C2CD5: variants seen among roughly 807,000 people sequenced by gnomAD.
C2CD5 encodes the protein C2 calcium dependent domain containing 5.
A neutral mutation model predicts 130.3 loss-of-function variants in C2CD5; 109 were observed. The ratio of observed to expected loss-of-function variants is 0.84; its 90% confidence interval spans 0.72 to 0.98. The LOEUF (loss-of-function observed/expected upper bound fraction) is 0.98. Ranked by LOEUF, C2CD5 falls within the 50% of genes least tolerant of loss-of-function variation. The probability of loss-of-function intolerance (pLI) is 0.00; values close to 1 mark genes in which losing one functional copy is unlikely to be tolerated. For synonymous variants in C2CD5, 454 were observed against 429.2 expected, an observed-to-expected ratio of 1.06 and a Z score of -0.71; for missense variants, 996 against 1,261.8, an observed-to-expected ratio of 0.79 and a Z score of 3.19.
chr12:22,536,807 A>C (rs1359532245), intron 2 of C2CD5, among the ~76,000 whole-genome samples: 1 of 152,134 alleles, frequency 6.6e-6, no homozygotes, highest in Non-Finnish European at 1.5e-5. Context: ...TGAGTGTTTC[A>C]ATCTTTTTTA....
At chr12:22,538,888 T>G (rs1952075523) in intron 2 of C2CD5, among the ~76,000 whole-genome samples, 1 of 152,166 alleles carries the variant, frequency 6.6e-6, no homozygotes, top group Non-Finnish European at 1.5e-5. Context: ...TATCTCCCTC[T>G]TCTATGAACT....
intron 12 of C2CD5, among the ~76,000 whole-genome samples, chr12:22,489,295 A>T (rs1361102605): frequency 6.6e-6 from 1 of 151,780 alleles, no homozygotes; most frequent in African/African-American, 2.4e-5. Flanking sequence ...CTCTGGTACC[A>T]AACTAATAGT....
rs902368893 is a variant in C2CD5, at chr12:22,524,619, T to C, written c.454A>G (p.Ile152Val). 3.7e-6 allele frequency: 6 copies of C among 1,609,238 alleles called. No homozygotes were observed. The highest frequency in any genetic ancestry group is 2.7e-5 in the African/African-American group (2 of 74,722). ...CGVKFFCTTS[I>V]PKCYRAVIIH... ...ATCACAGCTCTATAGCATTTTGGAA[T>C]AGACGTTGCTGTTAAAACAAATTAT... The change falls in exon 6 of 27, where the codon ATT (isoleucine) becomes GTT (valine). Residue 152 changes from isoleucine to valine, a missense_variant. Around this residue, in one of 9 missense-constraint regions of C2CD5, gnomAD observed 49 missense variants for 52.0 expected, o/e 0.94. Transcript: ENST00000446597.
chr12:22,465,948 A>T, intron 22 of C2CD5, among the ~76,000 whole-genome samples: 1 of 152,124 alleles, frequency 6.6e-6, no homozygotes. Flanking sequence ...TAAATTTGAG[A>T]CATACATCAA....
At chr12:22,502,706 A>G (rs1337780338) in intron 10 of C2CD5, 2 of 1,260,556 alleles carry the variant, frequency 1.6e-6, no homozygotes, top group Non-Finnish European at 2.2e-6. Context: ...AATTTTTGTC[A>G]GCATATGTAG....
intron 2 of C2CD5, among the ~76,000 whole-genome samples, chr12:22,540,263 C>T (rs1415909378): frequency 6.6e-6 from 1 of 152,198 alleles, no homozygotes; most frequent in African/African-American, 2.4e-5. Flanking sequence ...AGGCGAGGCA[C>T]TCCCTATTCT....
At chr12:22,541,568 C>G (rs1952386683) in intron 2 of C2CD5, among the ~76,000 whole-genome samples, 1 of 152,154 alleles carries the variant, frequency 6.6e-6, no homozygotes. Flanking sequence ...CTTCTTAAAA[C>G]ACACCAAATC....
At chr12:22,517,731 A>G (rs910568439) in intron 8 of C2CD5, among the ~76,000 whole-genome samples, 3 of 152,230 alleles carry the variant, frequency 2.0e-5, no homozygotes, top group African/African-American at 7.2e-5. Context: ...AAAATGAAAA[A>G]TGTCTACATG....
intron 2 of C2CD5, among the ~76,000 whole-genome samples, chr12:22,535,863 T>C (rs1266832770): frequency 6.6e-6 from 1 of 152,180 alleles, no homozygotes; most frequent in Non-Finnish European, 1.5e-5. Flanking sequence ...ACAGAGACTT[T>C]GAAAACACAT....
intron 26 of C2CD5, among the ~76,000 whole-genome samples, chr12:22,451,781 G>A (rs552299064): frequency 9.2e-5 from 14 of 152,234 alleles, no homozygotes; most frequent in African/African-American, 3.1e-4. Flanking sequence ...GGGGGCAACA[G>A]ATGAGTCTGA....
intron 8 of C2CD5, among the ~76,000 whole-genome samples, chr12:22,517,032 A>G (rs1416586220): frequency 6.6e-6 from 1 of 151,922 alleles, no homozygotes; most frequent in East Asian, 1.9e-4. Flanking sequence ...CAGAAATTAA[A>G]TCTATAGGCT....
chr12:22,489,455 G>C (rs1433511855), intron 12 of C2CD5, among the ~76,000 whole-genome samples: 1 of 151,928 alleles, frequency 6.6e-6, no homozygotes, highest in Admixed American at 6.6e-5. Context: ...ACTTGAATTT[G>C]CCACATGCTC....
Position 22,478,168 on chromosome 12 carries a change from G to A in C2CD5, c.1902+145C>T, listed in dbSNP as rs1403812781. 9.0e-6 allele frequency: 6 copies of A among 668,212 alleles called. No homozygotes were observed. The East Asian group carries it at 1.7e-4, about 18-fold the overall frequency. 41.4% of individuals were successfully genotyped at this position (668,212 alleles called of 1,614,324 possible). ...GCTTACCCGAAAAGGAGACAGTTGA[G>A]CAAAGACATAAAGGGAGGTGAAAGA... On this transcript the variant is annotated intron_variant, in intron 15 of 26. Coordinates refer to ENST00000446597, the MANE Select transcript of C2CD5 (RefSeq NM_001286176.2).
At chr12:22,470,946 A>C in intron 20 of C2CD5, 35 bp from the exon 21 acceptor site, 1 of 1,417,892 alleles carries the variant, frequency 7.1e-7, no homozygotes, top group African/African-American at 1.4e-5. Context: ...TTAGCAAAAT[A>C]ATCACTGCCA....
intron 2 of C2CD5, among the ~76,000 whole-genome samples, chr12:22,540,454 T>C (rs934184209): frequency 6.6e-6 from 1 of 152,254 alleles, no homozygotes; most frequent in East Asian, 1.9e-4. Context: ...TTTATTGCTA[T>C]ATCCCCAGCA....
At chr12:22,533,194 G>C (rs1326162234) in intron 3 of C2CD5, among the ~76,000 whole-genome samples, 1 of 152,194 alleles carries the variant, frequency 6.6e-6, no homozygotes, top group African/African-American at 2.4e-5. Context: ...GAGAATGTAA[G>C]ATGGAGGTGT....
At chr12:22,484,970 TAC>T in intron 12 of C2CD5, 82 bp from the exon 13 acceptor site, 1 of 598,670 alleles carries the variant, frequency 1.7e-6, no homozygotes, top group Non-Finnish European at 2.7e-6. Context: ...TGATATTACA[TAC>T]ACAGTACTTG....
chr12:22,478,398 G>A lies in C2CD5; in HGVS notation c.1817C>T (p.Ser606Leu), dbSNP rs899073255. The A allele has an allele frequency of 1.2e-6, 2 of 1,612,820 alleles. No individual in the cohort carries two copies. Among genetic ancestry groups the A allele is most frequent in the Admixed American group, 3.3e-5 (2 of 59,978 alleles). ...QIAGKTPNDG[S>L]YEQHISHMQK... ...CATATGAGAGATGTGTTGTTCATAT[G>A]AGCCATCATTAGGAGTCTTCCCAGC... Residue 606 changes from serine to leucine, a missense_variant, in exon 15 of 27, where the codon TCA (serine) becomes TTA (leucine). Physicochemically the swap from Ser to Leu is moderately radical, Grantham distance 145 (BLOSUM62 -2). Transcript: ENST00000446597.
Position 22,495,596 on chromosome 12 carries a change from G to A in C2CD5, c.1148-2259C>T, listed in dbSNP as rs557110859. On this transcript the variant is annotated intron_variant, in intron 10 of 26. Coordinates refer to ENST00000446597, the MANE Select transcript of C2CD5 (RefSeq NM_001286176.2). ...AAAAAAGCTGAATGCAGCGCAAGTG[G>A]AGCATTCATATTCTTCTGACAAATT... Among the ~76,000 whole-genome samples the A allele has an allele frequency of 4.6e-5, 7 of 151,684 alleles. No individual in the cohort carries two copies. In the South Asian group the frequency reaches 6.2e-4, roughly 14 times the overall value.
Sources: allele counts gnomAD v4.1 joint callset (sites outside exome capture counted in the v4.1 genomes callset), GRCh38; gene constraint gnomAD v4.1.1; regional missense constraint gnomAD v4.1.1; transcripts MANE v1.5; gene names NCBI Gene and HGNC (gene_info 2026-07-23, HGNC 2026-07-21).